Variants in SMCP observed in about 807,000 individuals in gnomAD.
SMCP encodes sperm mitochondrial-associated cysteine-rich protein.
For missense variants in SMCP, 137 were observed against 137.1 expected, an observed-to-expected ratio of 1.00 and a Z score of 0.01; for synonymous variants, 41 against 46.9, an observed-to-expected ratio of 0.87 and a Z score of 0.51.
intron 1 of SMCP, among the ~76,000 whole-genome samples, chr1:152,883,376 C>A (rs1337955798): frequency 6.6e-6 from 1 of 152,210 alleles, no homozygotes; most frequent in African/African-American, 2.4e-5. Flanking sequence ...TCTGGGACCA[C>A]AACAGTGGCG....
intron 1 of SMCP, among the ~76,000 whole-genome samples, chr1:152,878,986 C>T (rs1181624131): frequency 1.3e-5 from 2 of 152,176 alleles, no homozygotes; most frequent in Admixed American, 6.5e-5. Flanking sequence ...AGTGTTTGGA[C>T]ATGAGGCTGG....
intron 1 of SMCP, among the ~76,000 whole-genome samples, chr1:152,882,758 T>A (rs530256373): frequency 6.6e-6 from 1 of 152,118 alleles, no homozygotes; most frequent in Non-Finnish European, 1.5e-5. Context: ...AAAAACAAGT[T>A]TGGGGGCTGG....
chr1:152,884,577 C>G lies in SMCP; in HGVS notation c.155C>G (p.Pro52Arg), dbSNP rs778301014. Residue 52 changes from proline (P) to arginine (R), a missense_variant, in exon 2 of 2, where the codon CCA becomes CGA. Coordinates refer to ENST00000368765, the MANE Select transcript of SMCP (RefSeq NM_030663.3). ...CAGCCAAAAGGCAGTCAATGCTGCC[C>G]ACCAAAACACAATCACTGCTGCCAG... ...CCQPKGSQCC[P>R]PKHNHCCQPK... 1.6e-5 allele frequency: 26 copies of G among 1,614,138 alleles called. No homozygotes were observed. The South Asian group carries it at 2.9e-4, about 18-fold the overall frequency.
At chr1:152,882,682 C>T (rs1649092268) in intron 1 of SMCP, among the ~76,000 whole-genome samples, 1 of 152,132 alleles carries the variant, frequency 6.6e-6, no homozygotes, top group South Asian at 2.1e-4. Flanking sequence ...CACACACACA[C>T]TCTCACAGAG....
intron 1 of SMCP, among the ~76,000 whole-genome samples, 198 bp downstream of exon 1, chr1:152,878,644 G>A (rs1333424674): frequency 6.6e-6 from 1 of 152,302 alleles, no homozygotes; most frequent in East Asian, 1.9e-4. Context: ...GCCACTGGGG[G>A]TGGGGATAGT....
At chr1:152,879,319 C>T (rs1239189120) in intron 1 of SMCP, among the ~76,000 whole-genome samples, 1 of 152,186 alleles carries the variant, frequency 6.6e-6, no homozygotes, top group Non-Finnish European at 1.5e-5. Flanking sequence ...CTCCCGGATT[C>T]AAGTGATTCT....
rs1346821185 is a variant in SMCP, at chr1:152,884,482, A to G, written c.60A>G (p.Pro20=). 3 of 1,614,000 alleles carry G rather than the reference A, an allele frequency of 1.9e-6. No individual in the cohort carries two copies. Among genetic ancestry groups the G allele is most frequent in the Non-Finnish European group, 8.5e-7 (1 of 1,179,900 alleles). Residue 20 remains proline, a synonymous_variant, in exon 2 of 2, where the codon CCA becomes CCG. Coordinates refer to ENST00000368765, the MANE Select transcript of SMCP (RefSeq NM_030663.3). ...CAGCAAAAGGCAATCAATGCTGCCC[A>G]CCACAGCAGAACCAGTGCTGCCAGT... is the stretch of plus-strand genomic sequence containing the variant. The part of the protein sequence containing the change: ...CCPAKGNQCC[P]PQQNQCCQSK...
At chr1:152,880,190 G>T (rs974834367) in intron 1 of SMCP, among the ~76,000 whole-genome samples, 4 of 152,116 alleles carry the variant, frequency 2.6e-5, no homozygotes, top group Admixed American at 6.5e-5. Flanking sequence ...AAAAACAGAA[G>T]GGGCTCACTC....
At chr1:152,880,826 A>G (rs1422432565) in intron 1 of SMCP, among the ~76,000 whole-genome samples, 1 of 152,074 alleles carries the variant, frequency 6.6e-6, no homozygotes, top group Non-Finnish European at 1.5e-5. Flanking sequence ...TTCAGGCTGC[A>G]GCCATATAGC....
chr1:152,882,987 T>G (rs1387901606), intron 1 of SMCP, among the ~76,000 whole-genome samples: 1 of 152,224 alleles, frequency 6.6e-6, no homozygotes, highest in East Asian at 1.9e-4. Context: ...GAGGTTGCAG[T>G]GAGCTGAGAT....
chr1:152,884,476 C>T lies in SMCP; in HGVS notation c.54C>T (p.Cys18=). The part of the protein sequence containing the change: ...SKCCPAKGNQ[C]CPPQQNQCCQ... ...GCTGCCCAGCAAAAGGCAATCAATG[C>T]TGCCCACCACAGCAGAACCAGTGCT... is the stretch of plus-strand genomic sequence containing the variant. The change falls in exon 2 of 2, where the codon TGC becomes TGT. Residue 18 remains cysteine, a synonymous_variant. Coordinates refer to ENST00000368765, the MANE Select transcript of SMCP (RefSeq NM_030663.3). 6.2e-7 allele frequency: 1 copy of T among 1,614,030 alleles called. No homozygotes were observed. Among genetic ancestry groups the T allele is most frequent in the South Asian group, 1.1e-5 (1 of 91,084 alleles).
intron 1 of SMCP, among the ~76,000 whole-genome samples, chr1:152,880,267 G>A (rs1045980893): frequency 2.6e-5 from 4 of 152,130 alleles, no homozygotes; most frequent in Non-Finnish European, 4.4e-5. Flanking sequence ...AAACAACAAG[G>A]AGATACGGAC....
intron 1 of SMCP, among the ~76,000 whole-genome samples, chr1:152,882,621 A>G (rs1649088529): frequency 6.6e-6 from 1 of 152,194 alleles, no homozygotes; most frequent in African/African-American, 2.4e-5. Flanking sequence ...CCATGTACCT[A>G]TAATTATGCA....
intron 1 of SMCP, among the ~76,000 whole-genome samples, chr1:152,882,266 C>T (rs73006599): frequency 0.019 from 2,834 of 152,198 alleles, 80 homozygotes; most frequent in African/African-American, 0.063. Flanking sequence ...CCACTGTGTC[C>T]GGCCCTCCCC....
chr1:152,883,866 A>C (rs1335992125), intron 1 of SMCP, among the ~76,000 whole-genome samples: 1 of 152,248 alleles, frequency 6.6e-6, no homozygotes, highest in East Asian at 1.9e-4. Flanking sequence ...GGTCACTCTA[A>C]GTGCAAGAGT....
intron 1 of SMCP, among the ~76,000 whole-genome samples, chr1:152,883,767 G>A (rs903894560): frequency 3.3e-5 from 5 of 152,200 alleles, no homozygotes; most frequent in African/African-American, 1.2e-4. Context: ...CATGCCAAGA[G>A]CACTGTACTT....
intron 1 of SMCP, among the ~76,000 whole-genome samples, chr1:152,880,503 T>A (rs1421455576): frequency 2.0e-5 from 3 of 152,236 alleles, no homozygotes; most frequent in Non-Finnish European, 4.4e-5. Context: ...TTGGTGTGCC[T>A]CTCCATTGCT....
chr1:152,884,976 A>G lies in SMCP; in HGVS notation c.*203A>G, dbSNP rs1649174360. On this transcript the variant is annotated 3_prime_UTR_variant, in exon 2 of 2. Transcript: ENST00000368765. Reference sequence around the variant, plus strand: ...GCCTCCATCTGGAAATGGGAGGATGAAGAGGCTAGAATCATCTTTCCTAGT... The same window carrying G: ...GCCTCCATCTGGAAATGGGAGGATGGAGAGGCTAGAATCATCTTTCCTAGT... 4 of 598,448 alleles carry G rather than the reference A, an allele frequency of 6.7e-6. No individual in the cohort carries two copies. The highest frequency in any genetic ancestry group is 9.1e-6 in the Non-Finnish European group (3 of 330,638). 37.1% of individuals were successfully genotyped at this position (598,448 alleles called of 1,614,324 possible). A position where few individuals can be genotyped will look rare whatever the true frequency, so the allele number is the denominator to read the frequency against.
In SMCP at chr1:152,884,364, A is replaced by G; in HGVS notation, c.-20-39A>G. ...AAGGAGGAAATGAAAGCAGGCACCC[A>G]GATTTCCTTCTGATGAGAATATTAT... is the stretch of plus-strand genomic sequence containing the variant. On this transcript the variant is annotated intron_variant, in intron 1 of 1. Transcript: ENST00000368765. 4.5e-6 allele frequency: 7 copies of G among 1,540,104 alleles called. No homozygotes were observed. In the South Asian group the frequency reaches 7.1e-5, roughly 16 times the overall value.
Sources: gnomAD v4.1 joint callset for allele counts (sites outside exome capture counted in the v4.1 genomes callset) on GRCh38, gnomAD v4.1.1 for gene constraint, MANE v1.5 for transcripts, NCBI Gene and HGNC (gene_info 2026-07-23, HGNC 2026-07-21) for gene names.